Variants in ERC1 observed in about 807,000 individuals in gnomAD.
ERC1 encodes ELKS/RAB6-interacting/CAST family member 1, also known as RAB6 interacting protein 2.
A neutral mutation model predicts 132.0 loss-of-function variants in ERC1; 56 were observed. The ratio of observed to expected loss-of-function variants is 0.42; its 90% confidence interval spans 0.34 to 0.53. The LOEUF is 0.53. Ranked by LOEUF, ERC1 falls within the 20% of genes least tolerant of loss-of-function variation. The pLI is 0.03. For missense variants in ERC1, 1,202 were observed against 1,349.9 expected (o/e 0.89, Z 1.72); for synonymous variants, 478 against 476.1 (o/e 1.00, Z -0.05).
intron 3 of ERC1, among the ~76,000 whole-genome samples, chr12:1,096,447 A>G (rs146802896): frequency 3.3e-4 from 50 of 152,362 alleles, no homozygotes; most frequent in Middle Eastern, 3.4e-3. Context: ...TACAGTTAGC[A>G]GAGTTCATTT....
At chr12:1,422,452 A>T (rs986834675) in intron 17 of ERC1, among the ~76,000 whole-genome samples, 2 of 151,992 alleles carry the variant, frequency 1.3e-5, no homozygotes, top group African/African-American at 4.8e-5. Context: ...TATGGTATTT[A>T]TCTCTCTGTG....
intron 1 of ERC1, among the ~76,000 whole-genome samples, chr12:1,011,470 T>G (rs565393448): frequency 4.9e-4 from 75 of 152,338 alleles, no homozygotes; most frequent in Admixed American, 1.4e-3. Context: ...CCTCCCAAAG[T>G]GCCAGGATTA....
intron 13 of ERC1, among the ~76,000 whole-genome samples, chr12:1,262,450 T>A (rs976999416): frequency 6.6e-6 from 1 of 152,254 alleles, no homozygotes; most frequent in Non-Finnish European, 1.5e-5. Flanking sequence ...CGGTCACTTA[T>A]ATCCAGTTGT....
chr12:1,353,252 G>A (rs1398303210), intron 15 of ERC1, among the ~76,000 whole-genome samples: 4 of 151,848 alleles, frequency 2.6e-5, no homozygotes, highest in South Asian at 2.1e-4. Flanking sequence ...GGATGGTCTC[G>A]ATCTCCTGAC....
At chr12:1,093,198 T>TC (rs1394739323) in intron 3 of ERC1, among the ~76,000 whole-genome samples, 3 of 152,074 alleles carry the variant, frequency 2.0e-5, no homozygotes, top group African/African-American at 4.8e-5. Context: ...TAAATAATTC[T>TC]CCCCCCCAAA....
At chr12:1,373,471 G>A (rs2087487700) in intron 16 of ERC1, among the ~76,000 whole-genome samples, 1 of 152,166 alleles carries the variant, frequency 6.6e-6, no homozygotes, top group African/African-American at 2.4e-5. Context: ...AAGAACATAT[G>A]TTTTCATTAT....
intron 18 of ERC1, among the ~76,000 whole-genome samples, chr12:1,482,309 C>T (rs960578164): frequency 6.6e-6 from 1 of 151,906 alleles, no homozygotes; most frequent in African/African-American, 2.4e-5. Flanking sequence ...AGAAAATACC[C>T]ACCCCCCCAA....
chr12:1,446,887 G>T (rs2093317403), intron 18 of ERC1, among the ~76,000 whole-genome samples: 1 of 152,104 alleles, frequency 6.6e-6, no homozygotes. Context: ...AGGTGCTGTG[G>T]CTCACACCTG....
intron 8 of ERC1, among the ~76,000 whole-genome samples, chr12:1,153,413 T>C (rs1018678374): frequency 6.6e-6 from 1 of 152,258 alleles, no homozygotes; most frequent in East Asian, 1.9e-4. Flanking sequence ...CGTGTTTAAC[T>C]GTGCCTTCAG....
intron 7 of ERC1, among the ~76,000 whole-genome samples, chr12:1,127,327 G>C (rs1449174141): frequency 1.3e-5 from 2 of 152,162 alleles, no homozygotes; most frequent in African/African-American, 4.8e-5. Flanking sequence ...AAAAGGACAT[G>C]TATAAGGATG....
intron 17 of ERC1, among the ~76,000 whole-genome samples, chr12:1,434,084 T>A (rs1354702267): frequency 6.6e-6 from 1 of 152,086 alleles, no homozygotes; most frequent in African/African-American, 2.4e-5. Context: ...CATGTTCTGC[T>A]TCCTCTTGTC....
At chr12:1,021,172 C>A (rs1335081554) in intron 1 of ERC1, among the ~76,000 whole-genome samples, 2 of 152,018 alleles carry the variant, frequency 1.3e-5, no homozygotes, top group African/African-American at 4.8e-5. Context: ...AACTCCTGAC[C>A]TCAAGTGATC....
chr12:1,492,655 G>A lies in ERC1; in HGVS notation c.*2425G>A, dbSNP rs578184818. On this transcript the variant is annotated 3_prime_UTR_variant, in exon 19 of 19. Coordinates refer to ENST00000360905, the MANE Select transcript of ERC1 (RefSeq NM_178040.4). ...ACTGCTTCTGAGAAGAAGCATTTCCGGGACCGATATCATCTGTCTGGTCTC... is the reference window on the plus strand; with the variant it reads ...ACTGCTTCTGAGAAGAAGCATTTCCAGGACCGATATCATCTGTCTGGTCTC... 8 of 232,966 alleles carry A rather than the reference G, an allele frequency of 3.4e-5. No homozygotes were observed. Among genetic ancestry groups the A allele is most frequent in the Admixed American group, 2.2e-4 (4 of 17,792 alleles). 14.4% of individuals were successfully genotyped at this position (232,966 alleles called of 1,614,324 possible).
At chr12:1,440,263 G>GGC (rs1470417818) in intron 17 of ERC1, among the ~76,000 whole-genome samples, 5 of 139,630 alleles carry the variant, frequency 3.6e-5, no homozygotes, top group East Asian at 2.1e-4. Context: ...GGAGTGCAGT[G>GGC]GTGCCATCTC....
chr12:1,118,911 C>T (rs939406712), intron 7 of ERC1, among the ~76,000 whole-genome samples: 3 of 152,184 alleles, frequency 2.0e-5, no homozygotes, highest in Non-Finnish European at 4.4e-5. Flanking sequence ...TACTCTGTCA[C>T]CCAAGCTGGA....
At chr12:1,301,311 AAAAAAAC>A (rs1175094898) in intron 15 of ERC1, among the ~76,000 whole-genome samples, 1 of 152,024 alleles carries the variant, frequency 6.6e-6, no homozygotes, top group African/African-American at 2.4e-5. Flanking sequence ...GTCTTGTAAC[AAAAAAAC>A]ACTTAAACCC....
At chr12:1,112,420 A>T in intron 6 of ERC1, 122 bp downstream of exon 6, 1 of 637,958 alleles carries the variant, frequency 1.6e-6, no homozygotes, top group South Asian at 1.7e-5. Flanking sequence ...GCCCATTACT[A>T]GCACTAACCA....
chr12:1,393,013 A>G (rs1591729349), intron 16 of ERC1, among the ~76,000 whole-genome samples: 1 of 152,216 alleles, frequency 6.6e-6, no homozygotes, highest in African/African-American at 2.4e-5. Flanking sequence ...AAAAAATGGT[A>G]TTGGAGAGTT....
chr12:1,147,255 TG>T (rs1428924485), intron 8 of ERC1, among the ~76,000 whole-genome samples: 1 of 152,214 alleles, frequency 6.6e-6, no homozygotes, highest in Admixed American at 6.5e-5. Context: ...ATGTTGGCTG[TG>T]GCTTTGTCAT....
Sources: allele counts gnomAD v4.1 joint callset (sites outside exome capture counted in the v4.1 genomes callset), GRCh38; gene constraint gnomAD v4.1.1; transcripts MANE v1.5; gene names NCBI Gene and HGNC (gene_info 2026-07-23, HGNC 2026-07-21).